The following SUDS3 variants were observed in gnomAD, a reference collection of about 807,000 sequenced individuals.
SUDS3 encodes the protein sin3 histone deacetylase corepressor complex component SDS3.
SUDS3 carries 23 observed loss-of-function variants against 53.5 expected under a neutral mutation model. That is an observed-to-expected ratio of 0.43 (90% CI 0.31 to 0.61). The LOEUF (loss-of-function observed/expected upper bound fraction) is 0.61. Among genes scored for constraint, SUDS3 ranks in the 20% least tolerant of loss-of-function variants. The probability of loss-of-function intolerance (pLI) is 0.10; values close to 1 mark genes in which losing one functional copy is unlikely to be tolerated. For missense variants in SUDS3, 291 were observed against 405.9 expected, an observed-to-expected ratio of 0.72 and a Z score of 2.43; for synonymous variants, 150 against 148.5, an observed-to-expected ratio of 1.01 and a Z score of -0.08.
chr12:118,400,794 A>C lies in SUDS3; in HGVS notation c.613+40A>C, dbSNP rs1247444568. 4.5e-6 allele frequency: 7 copies of C among 1,569,960 alleles called. No individual in the cohort carries two copies. In the African/African-American group the frequency reaches 8.1e-5, roughly 18 times the overall value. ...CAAGCCTTAACCGCCTTTCTTTTTT[A>C]AGACTGTGGAATCCTATGTTTATCC... On this transcript the variant is annotated intron_variant, in intron 7 of 11. Coordinates refer to ENST00000543473, the MANE Select transcript of SUDS3 (RefSeq NM_022491.3).
chr12:118,387,209 AC>A (rs1005599570), intron 4 of SUDS3, among the ~76,000 whole-genome samples: 22 of 152,062 alleles, frequency 1.4e-4, no homozygotes, highest in African/African-American at 4.6e-4. Context: ...CCCTGCTGTT[AC>A]CCCCTTTCTA....
At chr12:118,385,556 AAATG>A (rs1207785069) in intron 3 of SUDS3, among the ~76,000 whole-genome samples, 1 of 152,248 alleles carries the variant, frequency 6.6e-6, no homozygotes, top group Admixed American at 6.5e-5. Flanking sequence ...AAGAGCAATG[AAATG>A]AATAGCGATT....
intron 5 of SUDS3, 29 bp from the exon 6 acceptor site, chr12:118,391,097 C>G (rs766743709): frequency 2.5e-5 from 40 of 1,610,814 alleles, no homozygotes; most frequent in African/African-American, 1.1e-4. Context: ...GGGCTGTGTA[C>G]TCCCAGCCCG....
At chr12:118,380,019 G>A (rs1465781793) in intron 1 of SUDS3, 143 bp from the exon 2 acceptor site, 8 of 681,218 alleles carry the variant, frequency 1.2e-5, no homozygotes, top group Non-Finnish European at 1.8e-5. Context: ...TGTATGTAAT[G>A]TTTTTCATTG....
At chr12:118,383,561 A>C (rs938868282) in intron 2 of SUDS3, among the ~76,000 whole-genome samples, 1 of 152,258 alleles carries the variant, frequency 6.6e-6, no homozygotes, top group Non-Finnish European at 1.5e-5. Flanking sequence ...TTATTGACTT[A>C]GTTCTTACAC....
chr12:118,378,351 G>A (rs1268895081), intron 1 of SUDS3, among the ~76,000 whole-genome samples: 1 of 152,066 alleles, frequency 6.6e-6, no homozygotes, highest in Non-Finnish European at 1.5e-5. Flanking sequence ...ACCAAGCGCA[G>A]CTCAAAAATA....
chr12:118,382,109 G>A (rs1019081624), intron 2 of SUDS3, among the ~76,000 whole-genome samples: 1 of 151,316 alleles, frequency 6.6e-6, no homozygotes, highest in Non-Finnish European at 1.5e-5. Flanking sequence ...GCATGATCTC[G>A]TCTCACTGCA....
chr12:118,402,691 A>C (rs507517), intron 9 of SUDS3: 5 of 152,020 alleles, frequency 3.3e-5, no homozygotes, highest in Admixed American at 3.3e-4. Context: ...AGACATCCTG[A>C]CCTTCTGAGG....
intron 6 of SUDS3, 116 bp downstream of exon 6, chr12:118,391,398 T>C: frequency 1.6e-6 from 2 of 1,223,850 alleles, no homozygotes; most frequent in Non-Finnish European, 2.3e-6. Flanking sequence ...GAGTGGGTTT[T>C]GACCTCATAG....
chr12:118,393,590 T>G (rs2046187122), intron 6 of SUDS3, among the ~76,000 whole-genome samples: 1 of 152,008 alleles, frequency 6.6e-6, no homozygotes, highest in Non-Finnish European at 1.5e-5. Flanking sequence ...GTCAGTGGGG[T>G]CTTGATAAAA....
chr12:118,376,769 G>C lies in SUDS3; in HGVS notation c.78G>C (p.Glu26Asp). 1 of 1,552,806 alleles carries C rather than the reference G, an allele frequency of 6.4e-7. No individual in the cohort carries two copies. Among genetic ancestry groups the C allele is most frequent in the Non-Finnish European group, 8.7e-7 (1 of 1,154,646 alleles). Residue 26 changes from glutamate (E) to aspartate (D), a missense_variant, in exon 1 of 12, where the codon GAG becomes GAC. Physicochemically the swap from Glu to Asp is conservative, Grantham distance 45 (BLOSUM62 2). Around this residue, in one of 4 missense-constraint regions of SUDS3, gnomAD observed 149 missense variants for 146.5 expected, o/e 1.02. Coordinates refer to ENST00000543473, the MANE Select transcript of SUDS3 (RefSeq NM_022491.3). ...APPAPEYYPE[E>D]DEELESAEDD... Reference sequence around the variant, plus strand: ...CGGCCCCCGAGTACTACCCCGAGGAGGATGAAGAGCTGGAGAGCGCCGAGG... The same window carrying C: ...CGGCCCCCGAGTACTACCCCGAGGACGATGAAGAGCTGGAGAGCGCCGAGG...
At chr12:118,408,407 C>T (rs183090460) in intron 10 of SUDS3, among the ~76,000 whole-genome samples, 1 of 151,868 alleles carries the variant, frequency 6.6e-6, no homozygotes, top group East Asian at 1.9e-4. Context: ...GATCTCAGCC[C>T]ACTGCAGTCC....
chr12:118,376,640 C>A lies in SUDS3; in HGVS notation c.-52C>A, dbSNP rs974918228. ...TGCTAGGCAGACGGCGAGTACCGAGCGCGGGTGGCCGCGGTGTCCGTGGGC... is the reference window on the plus strand; with the variant it reads ...TGCTAGGCAGACGGCGAGTACCGAGAGCGGGTGGCCGCGGTGTCCGTGGGC... On this transcript the variant is annotated 5_prime_UTR_variant, in exon 1 of 12. Coordinates refer to ENST00000543473, the MANE Select transcript of SUDS3 (RefSeq NM_022491.3). The A allele has an allele frequency of 9.2e-6, 13 of 1,409,648 alleles. No homozygotes were observed. The East Asian group carries it at 3.7e-4, about 41-fold the overall frequency. 87.3% of individuals were successfully genotyped at this position (1,409,648 alleles called of 1,614,324 possible). A position where few individuals can be genotyped will look rare whatever the true frequency, so the allele number is the denominator to read the frequency against.
rs2046414563 is a variant in SUDS3, at chr12:118,417,770, A to G, written c.*3337A>G. 2 of 152,088 alleles carry G rather than the reference A, an allele frequency of 1.3e-5. 1 individual carries two copies. Among genetic ancestry groups the G allele is most frequent in the South Asian group, 4.1e-4 (2 of 4,820 alleles). 9.4% of individuals were successfully genotyped at this position (152,088 alleles called of 1,614,324 possible). On this transcript the variant is annotated 3_prime_UTR_variant, in exon 12 of 12. Coordinates refer to ENST00000543473, the MANE Select transcript of SUDS3 (RefSeq NM_022491.3). The stretch of plus-strand genomic sequence containing the variant: ...TCCATTGACTTGATAAGTGATAGAA[A>G]TTTATTTTAGGTTTTTGATCCATTG...
intron 7 of SUDS3, 62 bp from the exon 8 acceptor site, chr12:118,401,697 G>A: frequency 1.5e-6 from 2 of 1,307,176 alleles, no homozygotes. Flanking sequence ...TGGTACCATT[G>A]TGTTGATTAC....
At chr12:118,393,423 T>C (rs2046185598) in intron 6 of SUDS3, among the ~76,000 whole-genome samples, 1 of 151,192 alleles carries the variant, frequency 6.6e-6, no homozygotes, top group African/African-American at 2.5e-5. Context: ...CACCATGACT[T>C]AAAGCGTTTA....
At chr12:118,381,586 A>G (rs757529384) in intron 2 of SUDS3, among the ~76,000 whole-genome samples, 2 of 152,076 alleles carry the variant, frequency 1.3e-5, no homozygotes, top group Non-Finnish European at 2.9e-5. Flanking sequence ...GGGTTTCTCC[A>G]TGTTGGCCAG....
At chr12:118,389,222 C>A (rs1438245823) in intron 4 of SUDS3, among the ~76,000 whole-genome samples, 1 of 152,128 alleles carries the variant, frequency 6.6e-6, no homozygotes, top group Non-Finnish European at 1.5e-5. Context: ...TGCTTTCCCC[C>A]ACCTGCCGCC....
At chr12:118,382,822 C>A (rs1187980483) in intron 2 of SUDS3, among the ~76,000 whole-genome samples, 2 of 128,382 alleles carry the variant, frequency 1.6e-5, no homozygotes, top group African/African-American at 6.3e-5. Flanking sequence ...CGCCCACCAC[C>A]ACGTCTGGCT....
Sources: gnomAD v4.1 joint callset for allele counts (sites outside exome capture counted in the v4.1 genomes callset) on GRCh38, gnomAD v4.1.1 for gene constraint, gnomAD v4.1.1 regional missense constraint, MANE v1.5 for transcripts, NCBI Gene and HGNC (gene_info 2026-07-23, HGNC 2026-07-21) for gene names.